Variants in TRAPPC9 observed in about 807,000 individuals in gnomAD.
The protein encoded by TRAPPC9 is trafficking protein particle complex subunit 9.
In TRAPPC9, 83 loss-of-function variants were observed where a neutral mutation model predicts 124.0. That is an observed-to-expected ratio of 0.67 (90% CI 0.56 to 0.80). The LOEUF (loss-of-function observed/expected upper bound fraction) is 0.80. TRAPPC9 is among the 30% of genes least tolerant of loss of function. The pLI is 0.00. For synonymous variants in TRAPPC9, 638 were observed against 617.5 expected (o/e 1.03, Z -0.49); for missense variants, 1,302 against 1,508.3 (o/e 0.86, Z 2.27).
intron 21 of TRAPPC9, 138 bp from the exon 22 acceptor site, chr8:139,732,340 A>G: frequency 1.3e-6 from 1 of 784,672 alleles, no homozygotes; most frequent in South Asian, 1.8e-5. Context: ...CAGGCTGGAC[A>G]CTGGGGACAC....
chr8:140,127,550 T>G (rs762905613), intron 17 of TRAPPC9, among the ~76,000 whole-genome samples: 13 of 152,166 alleles, frequency 8.5e-5, no homozygotes, highest in Non-Finnish European at 1.9e-4. Context: ...TCAGGAAATA[T>G]CCACGGAGCT....
rs753393720 is a variant in TRAPPC9 at position 140,104,357 on chromosome 8, G to A, written c.2557-80278C>T. Among the ~76,000 whole-genome samples, 6 of 152,118 alleles carry A rather than the reference G, an allele frequency of 3.9e-5. No homozygotes were observed. Among genetic ancestry groups the A allele is most frequent in the African/African-American group, 7.2e-5 (3 of 41,426 alleles). ...AAGATCAATGAAGAAAGATGTTCTC[G>A]GGAGGGAGAAATATGAGGCAACATG... On this transcript the variant is annotated intron_variant, in intron 17 of 22. Coordinates refer to ENST00000438773, the MANE Select transcript of TRAPPC9 (RefSeq NM_001160372.4). The surrounding 1 kb of genome is among the most constrained non-coding windows in gnomAD (Gnocchi z 4.0).
At chr8:140,002,006 C>T (rs10087507) in intron 18 of TRAPPC9, among the ~76,000 whole-genome samples, 44,657 of 151,990 alleles carry the variant, frequency 0.29, 8,127 homozygotes, top group East Asian at 0.52. Context: ...AGATGGTTTG[C>T]TTATGCATTC....
chr8:140,444,817 G>A (rs1372094669), intron 2 of TRAPPC9, among the ~76,000 whole-genome samples: 3 of 149,014 alleles, frequency 2.0e-5, no homozygotes, highest in Non-Finnish European at 3.0e-5. Flanking sequence ...GAGCTGAGAT[G>A]GTACCACTGC....
chr8:140,394,645 T>C (rs1045557658), intron 7 of TRAPPC9, among the ~76,000 whole-genome samples: 3 of 150,934 alleles, frequency 2.0e-5, no homozygotes, highest in Non-Finnish European at 4.4e-5. Context: ...ATGCAAGACC[T>C]GTGACAGGAA....
rs553067736 is a variant in TRAPPC9 at position 140,443,122 on chromosome 8, A to T, written c.585-3925T>A. ...CACTCTGGCCTGGCAACGGAGCGAG[A>T]CTCCATCTCAAAAAAAAAAAAAAAA... On this transcript the variant is annotated intron_variant, in intron 2 of 22. Coordinates refer to ENST00000438773, the MANE Select transcript of TRAPPC9 (RefSeq NM_001160372.4). Among the ~76,000 whole-genome samples, 188 of 80,840 alleles carry T rather than the reference A, an allele frequency of 2.3e-3. 3 individuals carry two copies. In the South Asian group the frequency reaches 0.063, roughly 27 times the overall value. 53.0% of individuals were successfully genotyped at this position (80,840 alleles called of 152,430 possible).
intron 2 of TRAPPC9, among the ~76,000 whole-genome samples, chr8:140,442,537 G>A (rs2071056403): frequency 6.6e-6 from 1 of 150,696 alleles, no homozygotes; most frequent in Admixed American, 6.6e-5. Context: ...GGCGGAGCTT[G>A]CAGTGAGCTA....
intron 17 of TRAPPC9, among the ~76,000 whole-genome samples, chr8:140,084,594 G>A (rs1022426313): frequency 1.6e-4 from 25 of 152,292 alleles, no homozygotes; most frequent in East Asian, 1.5e-3. Context: ...TGCTAATGTC[G>A]CCTTCTGAGT....
chr8:139,973,780 C>G (rs1836257780), intron 19 of TRAPPC9, among the ~76,000 whole-genome samples: 1 of 152,022 alleles, frequency 6.6e-6, no homozygotes, highest in South Asian at 2.1e-4. Flanking sequence ...GGGGAGGAGG[C>G]CGAGGTGAGT....
intron 7 of TRAPPC9, among the ~76,000 whole-genome samples, chr8:140,396,138 CTTTTTTTTTT>C (rs59266343): frequency 1.2e-5 from 1 of 83,358 alleles, no homozygotes; most frequent in Non-Finnish European, 2.1e-5. Context: ...AAGACCTTGC[CTTTTTTTTTT>C]TTTTTTTTTT....
At chr8:139,822,191 C>T (rs1338960251) in intron 21 of TRAPPC9, among the ~76,000 whole-genome samples, 1 of 152,142 alleles carries the variant, frequency 6.6e-6, no homozygotes, top group Non-Finnish European at 1.5e-5. Flanking sequence ...AGGTGACTTC[C>T]TCAGTCCCTT....
At chr8:139,819,425 T>C (rs1284417880) in intron 21 of TRAPPC9, among the ~76,000 whole-genome samples, 1 of 152,100 alleles carries the variant, frequency 6.6e-6, no homozygotes, top group Non-Finnish European at 1.5e-5. Flanking sequence ...CCACTGTCCA[T>C]GGAAAAATGG....
intron 19 of TRAPPC9, among the ~76,000 whole-genome samples, chr8:139,959,233 G>C (rs1293063798): frequency 6.6e-6 from 1 of 152,262 alleles, no homozygotes; most frequent in African/African-American, 2.4e-5. Flanking sequence ...GCTGTCAGGA[G>C]AGTTTGATGA....
chr8:139,731,029 C>A lies in TRAPPC9; in HGVS notation c.*32G>T, dbSNP rs771052277. ...GGAGGCCAGGCAGGGTCACCTCTGG[C>A]CCTGCAGAAAGAGGGACGGAAGTAG... is the stretch of plus-strand genomic sequence containing the variant. On this transcript the variant is annotated 3_prime_UTR_variant, in exon 23 of 23. Coordinates refer to ENST00000438773, the MANE Select transcript of TRAPPC9 (RefSeq NM_001160372.4). The A allele has an allele frequency of 6.2e-7, 1 of 1,609,292 alleles. No individual in the cohort carries two copies. Among genetic ancestry groups the A allele is most frequent in the Non-Finnish European group, 8.5e-7 (1 of 1,179,064 alleles).
intron 21 of TRAPPC9, among the ~76,000 whole-genome samples, chr8:139,841,786 C>A (rs1826748357): frequency 6.6e-6 from 1 of 152,224 alleles, no homozygotes; most frequent in Non-Finnish European, 1.5e-5. Flanking sequence ...GGGGACCCAG[C>A]CCCCTAAAGC....
At chr8:139,976,155 T>C (rs1326824239) in intron 19 of TRAPPC9, among the ~76,000 whole-genome samples, 2 of 151,982 alleles carry the variant, frequency 1.3e-5, no homozygotes, top group East Asian at 3.9e-4. Context: ...CCTCCCAAAG[T>C]GCTGGGATTA....
At chr8:140,400,352 G>A (rs2069224673) in intron 6 of TRAPPC9, among the ~76,000 whole-genome samples, 1 of 152,160 alleles carries the variant, frequency 6.6e-6, no homozygotes, top group South Asian at 2.1e-4. Flanking sequence ...ACAGTAGCTT[G>A]CTATTTTGCA....
intron 21 of TRAPPC9, among the ~76,000 whole-genome samples, chr8:139,881,903 C>G (rs1829697645): frequency 6.6e-6 from 1 of 152,202 alleles, no homozygotes; most frequent in Non-Finnish European, 1.5e-5. Context: ...CCTTACTGTC[C>G]CCCAGACTGA....
At chr8:139,906,793 GCTC>G (rs1292971887) in intron 20 of TRAPPC9, among the ~76,000 whole-genome samples, 1 of 152,162 alleles carries the variant, frequency 6.6e-6, no homozygotes, top group Non-Finnish European at 1.5e-5. Flanking sequence ...TCACGCAGTG[GCTC>G]CTCAACCCAC....
Sources: allele counts gnomAD v4.1 joint callset (sites outside exome capture counted in the v4.1 genomes callset), GRCh38; gene constraint gnomAD v4.1.1; non-coding constraint Gnocchi (gnomAD v3.1); transcripts MANE v1.5; gene names NCBI Gene and HGNC (gene_info 2026-07-23, HGNC 2026-07-21).